The following MYO9B variants were observed in gnomAD, a reference collection of about 807,000 sequenced individuals.
The protein encoded by MYO9B is unconventional myosin-IXb.
In MYO9B, 71 loss-of-function variants were observed where a neutral mutation model predicts 229.5. The observed-to-expected ratio is 0.31, with a 90% confidence interval of 0.26 to 0.38. The LOEUF (loss-of-function observed/expected upper bound fraction) is 0.38. Among genes scored for constraint, MYO9B ranks in the 10% least tolerant of loss-of-function variants. The pLI is 1.00. For missense variants in MYO9B, 2,255 were observed against 2,920.5 expected (o/e 0.77, Z 5.25); for synonymous variants, 1,185 against 1,235.8 (o/e 0.96, Z 0.86).
Position 17,194,552 on chromosome 19 carries a change from C to T in MYO9B, c.3129-4C>T. 1 of 1,611,980 alleles carries T rather than the reference C, an allele frequency of 6.2e-7. No homozygotes were observed. Among genetic ancestry groups the T allele is most frequent in the South Asian group, 1.1e-5 (1 of 90,894 alleles). ...ACCAGCTGTCTGCTTTTTCCTCACTCCAGCTTCAGCCAGATGATCTCGGAG... is the reference window on the plus strand; with the variant it reads ...ACCAGCTGTCTGCTTTTTCCTCACTTCAGCTTCAGCCAGATGATCTCGGAG... On this transcript the variant is annotated splice_polypyrimidine_tract_variant and splice_region_variant and intron_variant, in intron 21 of 39. Coordinates refer to ENST00000682292, the MANE Select transcript of MYO9B (RefSeq NM_004145.4).
intron 3 of MYO9B, among the ~76,000 whole-genome samples, chr19:17,148,227 G>A (rs2072437317): frequency 2.6e-5 from 4 of 152,212 alleles, no homozygotes; most frequent in Admixed American, 2.6e-4. Context: ...CCCTTGGGGA[G>A]AAGCTAAGCT....
At chr19:17,131,741 C>T (rs1360320630) in intron 2 of MYO9B, among the ~76,000 whole-genome samples, 4 of 152,208 alleles carry the variant, frequency 2.6e-5, no homozygotes, top group African/African-American at 9.6e-5. Flanking sequence ...CCAGCCCTGT[C>T]AGAGGAAGAG....
chr19:17,145,549 T>C, intron 3 of MYO9B, 58 bp downstream of exon 3: 2 of 1,386,830 alleles, frequency 1.4e-6, no homozygotes, highest in East Asian at 2.3e-5. Context: ...TGTTGCTTCC[T>C]GACACACACA....
intron 1 of MYO9B, among the ~76,000 whole-genome samples, chr19:17,085,919 TC>T (rs1600018024): frequency 6.6e-6 from 1 of 152,216 alleles, no homozygotes; most frequent in East Asian, 1.9e-4. Flanking sequence ...GCCCTCCCTA[TC>T]TTCGTTACAA....
chr19:17,145,532 C>T, intron 3 of MYO9B, 41 bp downstream of exon 3: 1 of 1,530,158 alleles, frequency 6.5e-7, no homozygotes, highest in Non-Finnish European at 9.1e-7. Context: ...GAGCTGGCCC[C>T]ACGCACTGTT....
chr19:17,090,137 T>TTTTTTTTTTTTTTTTTTTTTTTTTTTTG (rs2057623814), intron 1 of MYO9B, among the ~76,000 whole-genome samples: 1 of 94,256 alleles, frequency 1.1e-5, no homozygotes, highest in Non-Finnish European at 2.3e-5. Flanking sequence ...TTTTTTTTTT[T>TTTTTTTTTTTTTTTTTTTTTTTTTTTTG]TTTTTTTTTT....
Position 17,211,950 on chromosome 19 carries a change from CA to C in MYO9B, c.6115del (p.Thr2039ProfsTer14). On this transcript the variant is annotated frameshift_variant, in exon 40 of 40. Transcript: ENST00000682292. LOFTEE classifies it low-confidence loss of function (END_TRUNC). ...GCGCGCCCACCCCGAGCCCCCTCCC[CA>C]CCGTGGCCGCCCCTCCACGACGAAG... is the stretch of plus-strand genomic sequence containing the variant. ...PGAPTPSPLPTVAAPPRRRPS... is the reference protein window; with the variant it reads ...PGAPTPSPLPXVAAPPRRRPS... 1 of 1,560,610 alleles carries C rather than the reference CA, an allele frequency of 6.4e-7. No individual in the cohort carries two copies. Among genetic ancestry groups the C allele is most frequent in the East Asian group, 2.3e-5 (1 of 43,308 alleles).
chr19:17,094,394 C>T (rs1416673115), intron 1 of MYO9B, among the ~76,000 whole-genome samples: 2 of 152,098 alleles, frequency 1.3e-5, no homozygotes, highest in Non-Finnish European at 2.9e-5. Context: ...ATAGGCTGCA[C>T]TTACTCAGTG....
At chr19:17,079,932 C>T (rs756527096) in intron 1 of MYO9B, among the ~76,000 whole-genome samples, 9 of 152,208 alleles carry the variant, frequency 5.9e-5, no homozygotes, top group Non-Finnish European at 1.2e-4. Context: ...ACCAGCCCAC[C>T]GCCGCAGCCC....
intron 10 of MYO9B, among the ~76,000 whole-genome samples, chr19:17,167,156 T>C (rs966334305): frequency 3.3e-5 from 5 of 151,940 alleles, no homozygotes; most frequent in Admixed American, 2.0e-4. Context: ...CAATGAGCGT[T>C]GTCTTTGAGC....
chr19:17,200,494 C>T (rs2073095160), intron 25 of MYO9B, 68 bp downstream of exon 25: 2 of 1,522,044 alleles, frequency 1.3e-6, no homozygotes, highest in Admixed American at 4.4e-5. Flanking sequence ...TTCACTGTCC[C>T]CAAACGGGGC....
In MYO9B at chr19:17,197,427, G is replaced by GGTAGATAGATAGATAGATAC. The variant is rs139687982; in HGVS notation, c.4047-365_4047-364insGTAGATAGATAGATAGATAC. ...TAGATGATAGATAGATAGATAGATA[G>GGTAGATAGATAGATAGATAC]ATAGATAGATAGATAGATAGATACA... On this transcript the variant is annotated intron_variant, in intron 22 of 39. Transcript: ENST00000682292. Among the ~76,000 whole-genome samples, 56 of 141,052 alleles carry GGTAGATAGATAGATAGATAC rather than the reference G, an allele frequency of 4.0e-4. 2 individuals are homozygous for GGTAGATAGATAGATAGATAC. The highest frequency in any genetic ancestry group is 1.6e-3 in the African/African-American group (55 of 34,724). The allele number at this position is 141,052 out of a possible 152,430, so 92.5% of individuals were successfully genotyped here.
chr19:17,130,221 A>C (rs1254884538), intron 2 of MYO9B, among the ~76,000 whole-genome samples: 1 of 152,122 alleles, frequency 6.6e-6, no homozygotes, highest in Non-Finnish European at 1.5e-5. Context: ...CTGTAATCCC[A>C]GCACTTTGGG....
intron 35 of MYO9B, chr19:17,208,004 C>CT (rs1361082540): frequency 1.7e-5 from 2 of 119,290 alleles, no homozygotes; most frequent in African/African-American, 7.3e-5. Context: ...AAGCGAAACT[C>CT]TATCTCAAAA....
Position 17,159,880 on chromosome 19 carries a change from G to A in MYO9B, c.1419+396G>A, listed in dbSNP as rs367620541. On this transcript the variant is annotated intron_variant, in intron 8 of 39. Transcript: ENST00000682292. ...GCAGCTAAGCAGAGCAGTTGCAACAGAGAACATCAGGCCCCAAAGCCAAAA... is the reference window on the plus strand; with the variant it reads ...GCAGCTAAGCAGAGCAGTTGCAACAAAGAACATCAGGCCCCAAAGCCAAAA... Among the ~76,000 whole-genome samples, 77 of 152,330 alleles carry A rather than the reference G, an allele frequency of 5.1e-4. 1 individual carries two copies. The South Asian group carries it at 0.016, about 31-fold the overall frequency.
Position 17,156,981 on chromosome 19 carries a change from G to C in MYO9B, c.1272G>C (p.Glu424Asp). Reference protein sequence around the residue: ...VTYKKRATGREEGLEVGPPEV... With the variant: ...VTYKKRATGRDEGLEVGPPEV... ...ATAAGAAGAGAGCTACAGGCCGAGA[G>C]GAAGGGTTGGAGGTCGGGCCACCCG... Residue 424 changes from glutamate to aspartate, a missense_variant, in exon 7 of 40, where the codon GAG becomes GAC. By Grantham distance (45) the Glu-to-Asp change is conservative. Coordinates refer to ENST00000682292, the MANE Select transcript of MYO9B (RefSeq NM_004145.4). The C allele has an allele frequency of 1.2e-6, 2 of 1,613,932 alleles. No individual in the cohort carries two copies. The highest frequency in any genetic ancestry group is 1.7e-6 in the Non-Finnish European group (2 of 1,179,870).
intron 2 of MYO9B, among the ~76,000 whole-genome samples, chr19:17,143,907 C>G (rs2072374359): frequency 6.6e-6 from 1 of 151,996 alleles, no homozygotes; most frequent in South Asian, 2.1e-4. Flanking sequence ...GGCAACAGGG[C>G]AAGACTCTGT....
intron 2 of MYO9B, among the ~76,000 whole-genome samples, chr19:17,125,925 C>A (rs978439781): frequency 6.6e-6 from 1 of 152,204 alleles, no homozygotes; most frequent in African/African-American, 2.4e-5. Flanking sequence ...CCTGCCCCCA[C>A]ATCCGCAGGC....
At chr19:17,191,061 C>CA in intron 19 of MYO9B, 36 bp from the exon 20 acceptor site, 3 of 1,602,756 alleles carry the variant, frequency 1.9e-6, no homozygotes, top group Non-Finnish European at 2.6e-6. Flanking sequence ...CCAGAACACT[C>CA]ACCTAGATTT....
Sources: allele counts gnomAD v4.1 joint callset (sites outside exome capture counted in the v4.1 genomes callset), GRCh38; gene constraint gnomAD v4.1.1; transcripts MANE v1.5; gene names NCBI Gene and HGNC (gene_info 2026-07-23, HGNC 2026-07-21).